Variants in LRRC53 observed in about 807,000 individuals in gnomAD.
LRRC53 encodes leucine rich repeat containing 53, also known as leucine-rich repeat-containing protein 53.
A neutral mutation model predicts 13.6 loss-of-function variants in LRRC53; 25 were observed. The ratio of observed to expected loss-of-function variants is 1.83; its 90% CI spans 1.34 to 2.56. The LOEUF is 2.56. LRRC53 is among the 30% of genes most tolerant of loss of function. The pLI, the probability that LRRC53 is intolerant of heterozygous loss-of-function variation, is 0.00. For synonymous variants in LRRC53, 204 were observed against 109.8 expected (o/e 1.86, Z -5.37); for missense variants, 527 against 275.8 (o/e 1.91, Z -6.45).
chr1:74,519,381 C>T, the LRRC53 span, among the ~76,000 whole-genome samples: 1 of 119,904 alleles, frequency 8.3e-6, no homozygotes, highest in East Asian at 2.3e-4. Context: ...GATTTATACT[C>T]ATTTGGGTAT....
chr1:74,510,974 G>A (rs1443629191), intron 1 of LRRC53, among the ~76,000 whole-genome samples: 2 of 152,086 alleles, frequency 1.3e-5, no homozygotes, highest in Non-Finnish European at 2.9e-5. Flanking sequence ...TGCAACCTCT[G>A]CCTCCCAGGT....
chr1:74,521,585 CT>C, the LRRC53 span, among the ~76,000 whole-genome samples: 1 of 150,140 alleles, frequency 6.7e-6, no homozygotes, highest in Non-Finnish European at 1.5e-5. Flanking sequence ...TCCATAAAGC[CT>C]TTTTCTGCGT....
chr1:74,490,781 A>C (rs1316650847), intron 1 of LRRC53, among the ~76,000 whole-genome samples: 1 of 152,248 alleles, frequency 6.6e-6, no homozygotes, highest in African/African-American at 2.4e-5. Context: ...GACAGAAAGT[A>C]TTTGAAAGCA....
chr1:74,473,072 A>T (rs1444598439), intron 4 of LRRC53, among the ~76,000 whole-genome samples: 2 of 152,100 alleles, frequency 1.3e-5, no homozygotes, highest in African/African-American at 4.8e-5. Context: ...TCTGCCTCTA[A>T]TCTCCTTTTA....
chr1:74,471,925 A>G lies in LRRC53; in HGVS notation c.1697T>C (p.Phe566Ser), dbSNP rs952889257. ...ACAGATAAGAGAATTGTTTGGCTGAAAATACCTAGGTTTGCTCTGTTTTAA... is the reference window on the plus strand; with the variant it reads ...ACAGATAAGAGAATTGTTTGGCTGAGAATACCTAGGTTTGCTCTGTTTTAA... ...GLLKQSKPRY[F>S]QPNNSLICKY... is the part of the protein sequence containing the mutation. Residue 566 changes from phenylalanine (F) to serine (S), a missense_variant, in exon 5 of 5, where the codon TTT (phenylalanine) becomes TCT (serine). Phe to Ser is a radical substitution (Grantham distance 155, BLOSUM62 -2). Transcript: ENST00000294635. The G allele has an allele frequency of 2.0e-6, 1 of 495,388 alleles. No individual in the cohort carries two copies. Among genetic ancestry groups the G allele is most frequent in the Non-Finnish European group, 3.6e-6 (1 of 278,742 alleles). The allele number at this position is 495,388 out of a possible 1,614,324, so 30.7% of individuals were successfully genotyped here. A position where few individuals can be genotyped will look rare whatever the true frequency, so the allele number is the denominator to read the frequency against.
intron 3 of LRRC53, among the ~76,000 whole-genome samples, chr1:74,478,698 T>G (rs1668327677): frequency 6.6e-6 from 1 of 152,212 alleles, no homozygotes; most frequent in Non-Finnish European, 1.5e-5. Flanking sequence ...TTCACTTTGC[T>G]TAACTTAGTA....
intron 4 of LRRC53, among the ~76,000 whole-genome samples, chr1:74,474,857 C>T (rs1668112034): frequency 6.6e-6 from 1 of 151,954 alleles, no homozygotes; most frequent in Non-Finnish European, 1.5e-5. Flanking sequence ...GAATCACTAG[C>T]ATTAGAGGGC....
intron 1 of LRRC53, among the ~76,000 whole-genome samples, chr1:74,512,153 G>A (rs1467288209): frequency 2.0e-5 from 3 of 152,284 alleles, no homozygotes; most frequent in South Asian, 4.1e-4. Flanking sequence ...TAGCCCTGGG[G>A]CATGACTCGA....
At chr1:74,508,402 A>G (rs1670015495) in intron 1 of LRRC53, among the ~76,000 whole-genome samples, 1 of 152,252 alleles carries the variant, frequency 6.6e-6, no homozygotes, top group African/African-American at 2.4e-5. Flanking sequence ...TAAAGAAGGT[A>G]TTATGATTTT....
At chr1:74,473,827 C>A (rs1254739152) in intron 4 of LRRC53, among the ~76,000 whole-genome samples, 1 of 152,108 alleles carries the variant, frequency 6.6e-6, no homozygotes, top group Non-Finnish European at 1.5e-5. Flanking sequence ...TTGTCAGAGT[C>A]TCAGAGAGTT....
intron 1 of LRRC53, among the ~76,000 whole-genome samples, chr1:74,494,129 C>T (rs752053693): frequency 6.6e-6 from 1 of 152,102 alleles, no homozygotes; most frequent in Non-Finnish European, 1.5e-5. Context: ...TCTCCGTCCA[C>T]GTGAGCACCA....
the LRRC53 span, among the ~76,000 whole-genome samples, chr1:74,527,098 T>C: frequency 5.0e-3 from 754 of 152,280 alleles, 3 homozygotes; most frequent in Non-Finnish European, 7.8e-3. Context: ...CAAAACTGTA[T>C]ACATTGGAAA....
chr1:74,508,665 C>T (rs1235412638), intron 1 of LRRC53, among the ~76,000 whole-genome samples: 1 of 152,194 alleles, frequency 6.6e-6, no homozygotes, highest in Non-Finnish European at 1.5e-5. Context: ...AAACCAACAG[C>T]AAGCTATAGG....
intron 1 of LRRC53, among the ~76,000 whole-genome samples, chr1:74,496,269 A>G (rs1198794901): frequency 1.3e-5 from 2 of 152,218 alleles, no homozygotes; most frequent in African/African-American, 4.8e-5. Context: ...GTGAAATACC[A>G]TCTGTGACCA....
chr1:74,521,721 G>A, the LRRC53 span, among the ~76,000 whole-genome samples: 14 of 152,116 alleles, frequency 9.2e-5, no homozygotes, highest in African/African-American at 3.4e-4. Context: ...TCAGCAAAGC[G>A]TGATAAATTT....
the LRRC53 span, among the ~76,000 whole-genome samples, chr1:74,520,337 G>A: frequency 2.6e-5 from 4 of 152,204 alleles, no homozygotes; most frequent in East Asian, 1.9e-4. Flanking sequence ...CCTCGCTTCC[G>A]ACTTTTCTGA....
intron 1 of LRRC53, among the ~76,000 whole-genome samples, chr1:74,505,250 A>G (rs1462189204): frequency 3.3e-5 from 5 of 152,218 alleles, no homozygotes; most frequent in African/African-American, 1.2e-4. Context: ...TGACAGGACA[A>G]GCACAGGGAC....
At chr1:74,476,104 A>C (rs780296743) in intron 3 of LRRC53, among the ~76,000 whole-genome samples, 18 of 152,172 alleles carry the variant, frequency 1.2e-4, no homozygotes, top group Non-Finnish European at 2.4e-4. Context: ...AAGATAAAAC[A>C]GTTCCTGCAG....
chr1:74,512,423 A>G (rs1263575741), intron 1 of LRRC53, 103 bp downstream of exon 1: 2 of 152,204 alleles, frequency 1.3e-5, no homozygotes, highest in Admixed American at 1.3e-4. Flanking sequence ...CCACATGATC[A>G]TCTGTTTATA....
Sources: gnomAD v4.1 joint callset for allele counts (sites outside exome capture counted in the v4.1 genomes callset) on GRCh38, gnomAD v4.1.1 for gene constraint, MANE v1.5 for transcripts, NCBI Gene and HGNC (gene_info 2026-07-23, HGNC 2026-07-21) for gene names.